Variants in ARID1A observed in about 807,000 individuals in gnomAD.
ARID1A encodes the protein AT-rich interactive domain-containing protein 1A.
In ARID1A, 20 loss-of-function variants were observed where a neutral mutation model predicts 212.6. The observed-to-expected ratio is 0.09, with a 90% confidence interval of 0.07 to 0.14. ARID1A has a LOEUF of 0.14. Ranked by LOEUF, ARID1A falls within the 10% of genes least tolerant of loss-of-function variation. The pLI is 1.00. For missense variants in ARID1A, 2,587 were observed against 3,059.0 expected (o/e 0.85, Z 3.64); for synonymous variants, 1,376 against 1,222.1 (o/e 1.13, Z -2.63).
chr1:26,768,076 G>C (rs759090888), intron 11 of ARID1A, 77 bp downstream of exon 11: 1 of 1,453,836 alleles, frequency 6.9e-7, no homozygotes, highest in Non-Finnish European at 9.5e-7. Flanking sequence ...GCTTCATGTG[G>C]TACCATGCAT....
chr1:26,698,286 G>C (rs2080298790), intron 1 of ARID1A, among the ~76,000 whole-genome samples: 1 of 152,206 alleles, frequency 6.6e-6, no homozygotes, highest in Non-Finnish European at 1.5e-5. Flanking sequence ...TGATCTGATT[G>C]GCTCCCCATC....
At chr1:26,723,095 A>G (rs2080581024) in intron 1 of ARID1A, among the ~76,000 whole-genome samples, 1 of 152,240 alleles carries the variant, frequency 6.6e-6, no homozygotes, top group African/African-American at 2.4e-5. Context: ...TAGAAAAGAC[A>G]GGATAAGGGG....
At chr1:26,747,131 C>T (rs865862258) in intron 4 of ARID1A, among the ~76,000 whole-genome samples, 5 of 152,154 alleles carry the variant, frequency 3.3e-5, no homozygotes, top group East Asian at 1.9e-4. Context: ...TTTGTGTCTA[C>T]GACATACTAG....
chr1:26,699,681 G>T (rs2080313650), intron 1 of ARID1A, among the ~76,000 whole-genome samples: 1 of 152,194 alleles, frequency 6.6e-6, no homozygotes, highest in African/African-American at 2.4e-5. Flanking sequence ...TCATCCTATA[G>T]TCTGAACCTC....
chr1:26,779,317 A>G lies in ARID1A; in HGVS notation c.5419A>G (p.Ser1807Gly), dbSNP rs1223970955. 2 of 1,614,124 alleles carry G rather than the reference A, an allele frequency of 1.2e-6. No individual in the cohort carries two copies. The highest frequency in any genetic ancestry group is 1.7e-5 in the Admixed American group (1 of 60,010). The change falls in exon 20 of 20, where the codon AGT becomes GGT. Residue 1807 changes from serine to glycine, a missense_variant. Ser to Gly is a moderately conservative substitution (Grantham distance 56). Transcript: ENST00000324856. ...AGAGAATAGTGAGGAGAAGCTGATC[A>G]GTAAGTTTGACAAGCTTCCAGTAAA... is the stretch of plus-strand genomic sequence containing the variant. ...ASENSEEKLI[S>G]KFDKLPVKIV...
intron 1 of ARID1A, among the ~76,000 whole-genome samples, chr1:26,697,877 T>C (rs1399327389): frequency 6.6e-6 from 1 of 151,734 alleles, no homozygotes; most frequent in Non-Finnish European, 1.5e-5. Flanking sequence ...CGCTGGGGGC[T>C]CAGGTTAGGA....
chr1:26,700,606 A>G lies in ARID1A; in HGVS notation c.1137+3066A>G, dbSNP rs144834659. On this transcript the variant is annotated intron_variant, in intron 1 of 19. Coordinates refer to ENST00000324856, the MANE Select transcript of ARID1A (RefSeq NM_006015.6). Reference sequence around the variant, plus strand: ...CTTTGAGAGTAATACCAGTTTACCAAGGTAAAAAATAAAATACAATAAATA... The same window carrying G: ...CTTTGAGAGTAATACCAGTTTACCAGGGTAAAAAATAAAATACAATAAATA... Among the ~76,000 whole-genome samples the G allele has an allele frequency of 4.6e-5, 7 of 152,366 alleles. No homozygotes were observed. The East Asian group carries it at 1.3e-3, about 29-fold the overall frequency.
rs752731961 is a variant in ARID1A, at chr1:26,774,864, C to T, written c.4637C>T (p.Pro1546Leu). Residue 1546 changes from proline (P) to leucine (L), a missense_variant, in exon 18 of 20, where the codon CCT (proline) becomes CTT (leucine). Transcript: ENST00000324856. The surrounding 1 kb of genome is among the most constrained non-coding windows in gnomAD (Gnocchi z 5.6). Reference sequence around the variant, plus strand: ...AGGGCCAACCACGAAGGCTCGTGGCCTTCCCATGGCACACGCCAGCCCCCA... The same window carrying T: ...AGGGCCAACCACGAAGGCTCGTGGCTTTCCCATGGCACACGCCAGCCCCCA... The part of the protein sequence containing the change: ...DQRANHEGSW[P>L]SHGTRQPPYG... The T allele has an allele frequency of 2.5e-6, 4 of 1,602,786 alleles. No individual in the cohort carries two copies. Among genetic ancestry groups the T allele is most frequent in the Middle Eastern group, 1.7e-4 (1 of 6,016 alleles).
chr1:26,725,501 G>A (rs2080607617), intron 1 of ARID1A, among the ~76,000 whole-genome samples: 1 of 152,148 alleles, frequency 6.6e-6, no homozygotes, highest in Non-Finnish European at 1.5e-5. Flanking sequence ...CTGATTGTTT[G>A]AACTGAATAT....
chr1:26,713,129 A>G (rs2080469138), intron 1 of ARID1A, among the ~76,000 whole-genome samples: 1 of 152,146 alleles, frequency 6.6e-6, no homozygotes, highest in South Asian at 2.1e-4. Context: ...TTTAGTAAGG[A>G]ATCTTATGTT....
At chr1:26,734,343 C>CTT (rs55976597) in intron 4 of ARID1A, among the ~76,000 whole-genome samples, 7,032 of 121,356 alleles carry the variant, frequency 0.058, 247 homozygotes, top group Non-Finnish European at 0.078. Flanking sequence ...TATTTGGCTT[C>CTT]TTTTTTTTTT....
At chr1:26,711,066 G>A (rs903235112) in intron 1 of ARID1A, among the ~76,000 whole-genome samples, 3 of 151,750 alleles carry the variant, frequency 2.0e-5, no homozygotes, top group Non-Finnish European at 2.9e-5. Flanking sequence ...TCTTCTTGCC[G>A]GTCTACCACC....
At position 26,766,297 on chromosome 1, in the gene ARID1A, A is replaced by G. The variant is rs2081038762; in HGVS notation, c.2809A>G (p.Met937Val). 1 of 1,614,198 alleles carries G rather than the reference A, an allele frequency of 6.2e-7. No homozygotes were observed. The highest frequency in any genetic ancestry group is 8.5e-7 in the Non-Finnish European group (1 of 1,180,032). Residue 937 changes from methionine to valine, a missense_variant, in exon 9 of 20, where the codon ATG (methionine) becomes GTG (valine). Coordinates refer to ENST00000324856, the MANE Select transcript of ARID1A (RefSeq NM_006015.6). The part of the protein sequence containing the change: ...GPPYGQGINS[M>V]AGMINPQGPP... ...TCCTTATGGACAAGGGATTAATAGT[A>G]TGGCTGGCATGATCAACCCTCAGGG...
In ARID1A at chr1:26,775,812, T is replaced by C. The variant is rs562062928; in HGVS notation, c.5124+105T>C. 1.0e-5 allele frequency: 16 copies of C among 1,527,376 alleles called. No homozygotes were observed. In the South Asian group the frequency reaches 1.4e-4, roughly 13 times the overall value. The allele number at this position is 1,527,376 out of a possible 1,614,324, so 94.6% of individuals were successfully genotyped here. On this transcript the variant is annotated intron_variant, in intron 19 of 19. Transcript: ENST00000324856. ...CACCTTGGTCTTTCTCTTTCTCTCT[T>C]GTAGATATCTTCCATGCCAGTACTT... is the stretch of plus-strand genomic sequence containing the variant.
At chr1:26,722,238 T>G (rs1357308606) in intron 1 of ARID1A, among the ~76,000 whole-genome samples, 1 of 152,090 alleles carries the variant, frequency 6.6e-6, no homozygotes, top group African/African-American at 2.4e-5. Context: ...CACTGATTTT[T>G]GTGGTGGTTT....
At chr1:26,710,153 AGGCCGGGTG>A (rs1218374784) in intron 1 of ARID1A, among the ~76,000 whole-genome samples, 1 of 142,110 alleles carries the variant, frequency 7.0e-6, no homozygotes, top group African/African-American at 2.6e-5. Flanking sequence ...TAAAACACAC[AGGCCGGGTG>A]CGGTGGCTCA....
chr1:26,727,835 A>T (rs1570572232), intron 1 of ARID1A: 1 of 152,334 alleles, frequency 6.6e-6, no homozygotes, highest in South Asian at 2.1e-4. Context: ...CTGTGATGAG[A>T]TGAGGACCTC....
intron 4 of ARID1A, among the ~76,000 whole-genome samples, chr1:26,751,645 T>C (rs1432184168): frequency 1.3e-5 from 2 of 152,210 alleles, no homozygotes; most frequent in Non-Finnish European, 2.9e-5. Flanking sequence ...CACCTTAGGG[T>C]TGAATATGTG....
rs2081127982 is a variant in ARID1A, at chr1:26,775,654, A to G, written c.5071A>G (p.Ile1691Val). 1.9e-6 allele frequency: 3 copies of G among 1,614,222 alleles called. No individual in the cohort carries two copies. In the East Asian group the frequency reaches 6.7e-5, roughly 36 times the overall value. ...AGAGAGCACATGGGCATTAGATACC[A>G]TCAACATCCTGCTGTATGATGACAA... ...LAESTWALDT[I>V]NILLYDDNSI... The change falls in exon 19 of 20, where the codon ATC becomes GTC. Residue 1691 changes from isoleucine to valine, a missense_variant. This residue lies in a region of ARID1A where 890 missense variants were observed against 1,098.2 expected (regional missense o/e 0.81). Transcript: ENST00000324856.
Sources: gnomAD v4.1 joint callset for allele counts (sites outside exome capture counted in the v4.1 genomes callset) on GRCh38, gnomAD v4.1.1 for gene constraint, gnomAD v4.1.1 regional missense constraint, Gnocchi (gnomAD v3.1) non-coding constraint, MANE v1.5 for transcripts, NCBI Gene and HGNC (gene_info 2026-07-23, HGNC 2026-07-21) for gene names.